ZDHHC13: variants seen among roughly 807,000 people sequenced by gnomAD.
ZDHHC13 encodes the protein zDHHC palmitoyltransferase 13, also known as palmitoyltransferase ZDHHC13.
A neutral mutation model predicts 86.0 loss-of-function variants in ZDHHC13; 85 were observed. The ratio of observed to expected loss-of-function variants is 0.99; its 90% CI spans 0.83 to 1.18. The LOEUF (loss-of-function observed/expected upper bound fraction) is 1.18. ZDHHC13 is among the 50% of genes most tolerant of loss of function. ZDHHC13 has a pLI of 0.00. For missense variants in ZDHHC13, 711 were observed against 730.2 expected, an observed-to-expected ratio of 0.97 and a Z score of 0.30; for synonymous variants, 263 against 246.4, an observed-to-expected ratio of 1.07 and a Z score of -0.63.
At chr11:19,173,905 G>C (rs1850289970) in intron 16 of ZDHHC13, among the ~76,000 whole-genome samples, 1 of 152,138 alleles carries the variant, frequency 6.6e-6, no homozygotes, top group Admixed American at 6.5e-5. Context: ...GGACACATGA[G>C]AGCACTAGAG....
At chr11:19,152,095 G>A in intron 6 of ZDHHC13, 63 bp from the exon 7 acceptor site, 1 of 1,523,154 alleles carries the variant, frequency 6.6e-7, no homozygotes, top group Non-Finnish European at 8.9e-7. Flanking sequence ...TTCATAATTT[G>A]CATTTACTCC....
intron 1 of ZDHHC13, among the ~76,000 whole-genome samples, chr11:19,131,229 A>C (rs1375543347): frequency 6.6e-6 from 1 of 152,154 alleles, no homozygotes; most frequent in East Asian, 1.9e-4. Context: ...CATATTGGCC[A>C]GGCTGGTCTC....
chr11:19,155,422 T>C (rs1037555864), intron 8 of ZDHHC13, among the ~76,000 whole-genome samples: 11 of 151,648 alleles, frequency 7.3e-5, no homozygotes, highest in African/African-American at 1.5e-4. Flanking sequence ...CTCTACTAAA[T>C]ATACAAAAAT....
chr11:19,168,838 G>A, intron 14 of ZDHHC13: 2 of 985,438 alleles, frequency 2.0e-6, no homozygotes, highest in Non-Finnish European at 2.4e-6. Flanking sequence ...TGTTTACAAG[G>A]TGGATAGTAA....
intron 1 of ZDHHC13, among the ~76,000 whole-genome samples, chr11:19,120,833 T>A (rs1848746373): frequency 6.6e-6 from 1 of 152,128 alleles, no homozygotes. Flanking sequence ...GAGGTGGTTG[T>A]AGACTGGAAT....
intron 9 of ZDHHC13, among the ~76,000 whole-genome samples, 162 bp downstream of exon 9, chr11:19,156,091 A>G (rs919203058): frequency 5.9e-5 from 9 of 152,196 alleles, no homozygotes; most frequent in Admixed American, 1.3e-4. Context: ...CTCTGGTAGC[A>G]TATTATTTGG....
chr11:19,132,752 A>G (rs554560426), intron 1 of ZDHHC13, among the ~76,000 whole-genome samples: 1 of 151,458 alleles, frequency 6.6e-6, no homozygotes, highest in South Asian at 2.1e-4. Flanking sequence ...CACCTTGTGT[A>G]TTTGTTTTGT....
At chr11:19,126,701 T>C (rs1205160874) in intron 1 of ZDHHC13, among the ~76,000 whole-genome samples, 4 of 152,010 alleles carry the variant, frequency 2.6e-5, no homozygotes, top group Non-Finnish European at 4.4e-5. Flanking sequence ...CTCCCACTTA[T>C]AAGTGAGAAC....
At chr11:19,156,240 T>G (rs1468336800) in intron 9 of ZDHHC13, among the ~76,000 whole-genome samples, 1 of 152,214 alleles carries the variant, frequency 6.6e-6, no homozygotes, top group Non-Finnish European at 1.5e-5. Flanking sequence ...TATTCAAGAT[T>G]TTGTAATCAT....
At position 19,159,453 on chromosome 11, in the gene ZDHHC13, C is replaced by A. The variant is rs867881640; in HGVS notation, c.1108+413C>A. On this transcript the variant is annotated intron_variant, in intron 10 of 16. Transcript: ENST00000446113. ...GGGGAAAATATGGCTTCCTCAGTAA[C>A]GGTAAGTGTTAGTGATATTATCTAA... 1.8e-4 allele frequency among the ~76,000 whole-genome samples: 28 copies of A among 152,102 alleles called. No individual in the cohort carries two copies. The East Asian group carries it at 5.4e-3, about 29-fold the overall frequency.
intron 16 of ZDHHC13, among the ~76,000 whole-genome samples, chr11:19,174,111 A>G (rs766780437): frequency 2.0e-5 from 3 of 152,220 alleles, no homozygotes; most frequent in Non-Finnish European, 4.4e-5. Flanking sequence ...TGAACTCGGT[A>G]TATACCATGT....
intron 1 of ZDHHC13, among the ~76,000 whole-genome samples, chr11:19,139,908 A>C (rs1849261938): frequency 1.5e-5 from 2 of 137,898 alleles, no homozygotes; most frequent in Non-Finnish European, 1.6e-5. Context: ...TTATACAAAA[A>C]TCAATTCAAG....
intron 1 of ZDHHC13, among the ~76,000 whole-genome samples, chr11:19,130,889 A>C (rs1241352524): frequency 6.7e-6 from 1 of 149,622 alleles, no homozygotes; most frequent in Admixed American, 6.7e-5. Flanking sequence ...TCTGTCGCCC[A>C]GGCTGGAGTA....
rs746087347 is a variant in ZDHHC13, at chr11:19,165,106, C to T, written c.1351C>T (p.Arg451Ter). 82 of 1,612,762 alleles carry T rather than the reference C, an allele frequency of 5.1e-5. No individual in the cohort carries two copies. Among genetic ancestry groups the T allele is most frequent in the Middle Eastern group, 4.9e-4 (3 of 6,082 alleles). ...CCATGTATGCAACTGCTGTGTGGCT[C>T]GATATGATCAACACTGCCTGTGGAC... ...HCHVCNCCVA[R>*]YDQHCLWTGR... Residue 451 changes from arginine to a stop codon, truncating the protein, a stop_gained, in exon 13 of 17, where the codon CGA (arginine) becomes TGA (stop). Coordinates refer to ENST00000446113, the MANE Select transcript of ZDHHC13 (RefSeq NM_019028.3). LOFTEE classifies it high-confidence loss of function.
In ZDHHC13 at chr11:19,143,024, A is replaced by G. The variant is rs759017825; in HGVS notation, c.74A>G (p.Tyr25Cys). The change falls in exon 2 of 17, where the codon TAT becomes TGT. Residue 25 changes from tyrosine (Y) to cysteine (C), a missense_variant. Coordinates refer to ENST00000446113, the MANE Select transcript of ZDHHC13 (RefSeq NM_019028.3). ...HGPHPPGFGR[Y>C]GICAHENKEL... ...CCCCACCCTCCAGGATTTGGTCGAT[A>G]TGGCATCTGTGCACATGAAAACAAA... 9.9e-6 allele frequency: 16 copies of G among 1,612,502 alleles called. No individual in the cohort carries two copies. The highest frequency in any genetic ancestry group is 1.7e-5 in the Admixed American group (1 of 59,738).
intron 9 of ZDHHC13, among the ~76,000 whole-genome samples, chr11:19,158,461 A>T (rs532542133): frequency 3.9e-5 from 6 of 152,202 alleles, no homozygotes; most frequent in Non-Finnish European, 7.4e-5. Flanking sequence ...TGATTATAGG[A>T]TGAATGTGCT....
Position 19,150,752 on chromosome 11 carries a change from G to A in ZDHHC13, c.545G>A (p.Gly182Glu), listed in dbSNP as rs1179115190. ...GQSVNMTDVNGQTPLMLSAHK... is the reference protein window; with the variant it reads ...GQSVNMTDVNEQTPLMLSAHK... ...AGTGTGAATATGACAGATGTAAATGGGCAGACACCTCTCATGTTATCAGCT... is the reference window on the plus strand; with the variant it reads ...AGTGTGAATATGACAGATGTAAATGAGCAGACACCTCTCATGTTATCAGCT... Residue 182 changes from glycine (G) to glutamate (E), a missense_variant, in exon 6 of 17, where the codon GGG becomes GAG. By Grantham distance (98) the Gly-to-Glu change is moderately conservative (BLOSUM62 -2). Coordinates refer to ENST00000446113, the MANE Select transcript of ZDHHC13 (RefSeq NM_019028.3). 6.2e-7 allele frequency: 1 copy of A among 1,610,296 alleles called. No individual in the cohort carries two copies. Among genetic ancestry groups the A allele is most frequent in the South Asian group, 1.1e-5 (1 of 90,732 alleles).
At chr11:19,152,106 T>G in intron 6 of ZDHHC13, 52 bp from the exon 7 acceptor site, 1 of 1,577,066 alleles carries the variant, frequency 6.3e-7, no homozygotes, top group Admixed American at 1.8e-5. Flanking sequence ...CATTTACTCC[T>G]TAAGTCATCA....
chr11:19,173,428 C>A (rs1850278707), intron 16 of ZDHHC13, among the ~76,000 whole-genome samples: 1 of 152,208 alleles, frequency 6.6e-6, no homozygotes, highest in Admixed American at 6.5e-5. Flanking sequence ...GCTTATCTCC[C>A]TGCCACTTAT....
Sources: gnomAD v4.1 joint callset for allele counts (sites outside exome capture counted in the v4.1 genomes callset) on GRCh38, gnomAD v4.1.1 for gene constraint, MANE v1.5 for transcripts, NCBI Gene and HGNC (gene_info 2026-07-23, HGNC 2026-07-21) for gene names.